KAZN: variants seen among roughly 807,000 people sequenced by gnomAD.
KAZN encodes kazrin, periplakin interacting protein, also known as kazrin.
A neutral mutation model predicts 87.4 loss-of-function variants in KAZN; 40 were observed. That is an observed-to-expected ratio of 0.46 (90% CI 0.36 to 0.60). The LOEUF (loss-of-function observed/expected upper bound fraction) is 0.60, where lower values mean the gene tolerates loss of function less well. Among genes scored for constraint, KAZN ranks in the 20% least tolerant of loss-of-function variants. The pLI is 0.00. For missense variants in KAZN, 898 were observed against 1,073.9 expected (o/e 0.84, Z 2.29); for synonymous variants, 466 against 458.3 (o/e 1.02, Z -0.22).
chr1:15,109,967 G>A (rs1308183286), intron 13 of KAZN, among the ~76,000 whole-genome samples: 7 of 130,820 alleles, frequency 5.4e-5, no homozygotes, highest in African/African-American at 2.0e-4. Context: ...GTATATGTGT[G>A]TTTGTATGTT....
At chr1:15,073,482 T>TCC (rs144115565) in intron 8 of KAZN, among the ~76,000 whole-genome samples, 3 of 151,438 alleles carry the variant, frequency 2.0e-5, no homozygotes, top group Non-Finnish European at 4.4e-5. Context: ...AACCCCAGGG[T>TCC]CCCCCCAGTA....
At chr1:14,235,062 T>C (rs1274726983) in intron 2 of KAZN, among the ~76,000 whole-genome samples, 2 of 152,226 alleles carry the variant, frequency 1.3e-5, no homozygotes, top group Non-Finnish European at 2.9e-5. Context: ...TTGCGGTGTA[T>C]ATCCGTGTGA....
chr1:14,994,771 T>C (rs1667708263), intron 2 of KAZN, among the ~76,000 whole-genome samples: 1 of 152,240 alleles, frequency 6.6e-6, no homozygotes, highest in South Asian at 2.1e-4. Flanking sequence ...TCAGCCCCTC[T>C]GAGACTCCGT....
chr1:14,635,509 C>T (rs927824310), intron 1 of KAZN, among the ~76,000 whole-genome samples: 3 of 152,190 alleles, frequency 2.0e-5, no homozygotes, highest in African/African-American at 7.2e-5. Context: ...GCTCTAGGTC[C>T]AGACTGGCTT....
intron 2 of KAZN, among the ~76,000 whole-genome samples, chr1:14,451,603 A>G (rs1023218911): frequency 1.3e-5 from 2 of 151,720 alleles, no homozygotes; most frequent in Admixed American, 6.6e-5. Flanking sequence ...AGAGAGAGAG[A>G]GAGAAAGAGA....
At chr1:15,095,070 G>A (rs563645849) in intron 10 of KAZN, 137 bp downstream of exon 10, 65 of 650,024 alleles carry the variant, frequency 1.0e-4, no homozygotes, top group African/African-American at 9.5e-4. Flanking sequence ...AAGATGGTCC[G>A]GGGATGCCCC....
chr1:14,940,271 T>C (rs1660901806), intron 1 of KAZN, among the ~76,000 whole-genome samples: 1 of 152,230 alleles, frequency 6.6e-6, no homozygotes, highest in Non-Finnish European at 1.5e-5. Flanking sequence ...CCTTCAGGGA[T>C]TGGAAACTCA....
intron 1 of KAZN, among the ~76,000 whole-genome samples, chr1:14,084,493 C>A (rs2101600171): frequency 6.6e-6 from 1 of 152,194 alleles, no homozygotes; most frequent in East Asian, 1.9e-4. Context: ...TAAATACATC[C>A]TTTACATATT....
At chr1:14,782,554 C>CAAAAAAAAAAAA (rs71572122) in intron 1 of KAZN, among the ~76,000 whole-genome samples, 61 of 66,242 alleles carry the variant, frequency 9.2e-4, no homozygotes, top group African/African-American at 1.4e-3. Flanking sequence ...CCTCAAAGAG[C>CAAAAAAAAAAAA]AAAAAAAAAA....
chr1:14,104,417 T>A (rs187160329), intron 1 of KAZN, among the ~76,000 whole-genome samples: 14 of 152,336 alleles, frequency 9.2e-5, no homozygotes, highest in Admixed American at 5.2e-4. Flanking sequence ...GTGATTTTTT[T>A]TTTAAAGGTT....
chr1:14,234,367 A>G lies in KAZN; in HGVS notation c.249+53775A>G, dbSNP rs1231431782. On this transcript the variant is annotated intron_variant, in intron 2 of 16. Transcript: ENST00000636203. ...GGAGTTGAACAATGAGAACACATGGACACAGGGAGGGGAACATCACACACC... is the reference window on the plus strand; with the variant it reads ...GGAGTTGAACAATGAGAACACATGGGCACAGGGAGGGGAACATCACACACC... 6.1e-5 allele frequency among the ~76,000 whole-genome samples: 9 copies of G among 147,804 alleles called. No homozygotes were observed. The East Asian group carries it at 1.6e-3, about 26-fold the overall frequency.
At chr1:14,452,731 T>A (rs546802784) in intron 2 of KAZN, among the ~76,000 whole-genome samples, 3 of 152,304 alleles carry the variant, frequency 2.0e-5, no homozygotes, top group Admixed American at 6.5e-5. Flanking sequence ...TCTAGTTAAG[T>A]TGCCCTTGAC....
chr1:14,466,436 C>T (rs1668134068), intron 2 of KAZN, among the ~76,000 whole-genome samples: 2 of 151,926 alleles, frequency 1.3e-5, no homozygotes, highest in African/African-American at 2.4e-5. Context: ...TAAGTGGGAG[C>T]TGAACAATGA....
chr1:14,563,422 C>T (rs998617498), intron 2 of KAZN, among the ~76,000 whole-genome samples: 2 of 152,150 alleles, frequency 1.3e-5, no homozygotes, highest in African/African-American at 4.8e-5. Flanking sequence ...TTCCCTAGAC[C>T]ACATTTTGAG....
intron 2 of KAZN, among the ~76,000 whole-genome samples, chr1:14,989,444 C>A (rs911476155): frequency 6.6e-6 from 1 of 152,190 alleles, no homozygotes; most frequent in Non-Finnish European, 1.5e-5. Flanking sequence ...CCACTGCACT[C>A]CAGCCTGGGT....
At chr1:14,028,115 C>CG (rs1473943041) in intron 1 of KAZN, among the ~76,000 whole-genome samples, 2 of 152,156 alleles carry the variant, frequency 1.3e-5, no homozygotes, top group Non-Finnish European at 2.9e-5. Context: ...TCTGTCCCCC[C>CG]AAACTCTGCA....
intron 2 of KAZN, among the ~76,000 whole-genome samples, chr1:14,301,273 G>A (rs1488739342): frequency 6.6e-6 from 1 of 152,186 alleles, no homozygotes; most frequent in East Asian, 1.9e-4. Flanking sequence ...TGGCATCTGC[G>A]AGTCAGACAC....
At chr1:14,417,634 C>A (rs1454757764) in intron 2 of KAZN, among the ~76,000 whole-genome samples, 1 of 151,860 alleles carries the variant, frequency 6.6e-6, no homozygotes, top group Non-Finnish European at 1.5e-5. Context: ...ACAAGGAGAC[C>A]CTAGGAAAGA....
intron 1 of KAZN, among the ~76,000 whole-genome samples, chr1:13,895,586 C>G (rs919048059): frequency 1.3e-5 from 2 of 152,142 alleles, no homozygotes; most frequent in Non-Finnish European, 1.5e-5. Context: ...CAAAAGAGCT[C>G]ACTCAATTAG....
Sources: gnomAD v4.1 joint callset for allele counts (sites outside exome capture counted in the v4.1 genomes callset) on GRCh38, gnomAD v4.1.1 for gene constraint, MANE v1.5 for transcripts, NCBI Gene and HGNC (gene_info 2026-07-23, HGNC 2026-07-21) for gene names.